RCL1: variants seen among roughly 807,000 people sequenced by gnomAD.
RCL1 encodes the protein RNA terminal phosphate cyclase like 1.
Under a neutral mutation model 42.4 loss-of-function variants are expected in RCL1, and 24 were observed. The ratio of observed to expected loss-of-function variants is 0.57; its 90% CI spans 0.41 to 0.80. The LOEUF is 0.80. Ranked by LOEUF, RCL1 falls within the 30% of genes least tolerant of loss-of-function variation. The pLI is 0.00. For synonymous variants in RCL1, 228 were observed against 177.3 expected (o/e 1.29, Z -2.27); for missense variants, 578 against 467.9 (o/e 1.24, Z -2.17).
chr9:4,850,481 GC>G, intron 8 of RCL1: 2 of 146,954 alleles, frequency 1.4e-5, no homozygotes, highest in African/African-American at 3.4e-5. Flanking sequence ...TCTTATGGAG[GC>G]TTTTTTTTTT....
In RCL1 at chr9:4,844,633, G is replaced by C. The variant is rs1326522451; in HGVS notation, c.819G>C (p.Glu273Asp). Reference sequence around the variant, plus strand: ...GCCAGGGAGCAGCAGTACTTCCAGAGGACCTTGGCAGGAACTGTGCCCGGC... The same window carrying C: ...GCCAGGGAGCAGCAGTACTTCCAGACGACCTTGGCAGGAACTGTGCCCGGC... The part of the protein sequence containing the change: ...PQGQGAAVLP[E>D]DLGRNCARLL... The change falls in exon 7 of 9, where the codon GAG (glutamate) becomes GAC (aspartate). Residue 273 changes from glutamate to aspartate, a missense_variant. By Grantham distance (45) the Glu-to-Asp change is conservative. Coordinates refer to ENST00000381750, the MANE Select transcript of RCL1 (RefSeq NM_005772.5). 1 of 1,613,980 alleles carries C rather than the reference G, an allele frequency of 6.2e-7. No individual in the cohort carries two copies. The highest frequency in any genetic ancestry group is 8.5e-7 in the Non-Finnish European group (1 of 1,179,982).
Position 4,793,045 on chromosome 9 carries a change from GA to G in RCL1, c.-45del, listed in dbSNP as rs1842854214. 1 of 1,575,558 alleles carries G rather than the reference GA, an allele frequency of 6.3e-7. No homozygotes were observed. The highest frequency in any genetic ancestry group is 1.8e-5 in the Admixed American group (1 of 56,692). On this transcript the variant is annotated 5_prime_UTR_variant, in exon 1 of 9. Coordinates refer to ENST00000381750, the MANE Select transcript of RCL1 (RefSeq NM_005772.5). ...GGAGTCACGAGTCCCGCGTCTGTCC[GA>G]AGTCGCCGCTCTCGGGCTGCTCACG...
intron 7 of RCL1, among the ~76,000 whole-genome samples, chr9:4,845,911 T>C (rs755831596): frequency 2.6e-5 from 4 of 152,250 alleles, no homozygotes; most frequent in Non-Finnish European, 4.4e-5. Context: ...CTTTCTGGTC[T>C]CCAAGTAAGT....
At chr9:4,808,205 T>A (rs1338435215) in intron 1 of RCL1, among the ~76,000 whole-genome samples, 1 of 152,234 alleles carries the variant, frequency 6.6e-6, no homozygotes, top group African/African-American at 2.4e-5. Context: ...TCTTTGCATA[T>A]TTTACAGCTT....
At chr9:4,805,952 A>G (rs554996595) in intron 1 of RCL1, among the ~76,000 whole-genome samples, 1 of 151,698 alleles carries the variant, frequency 6.6e-6, no homozygotes, top group South Asian at 2.1e-4. Flanking sequence ...AGCAATTGTA[A>G]ATGGTGTATC....
chr9:4,817,177 C>T (rs1445889413), intron 1 of RCL1, among the ~76,000 whole-genome samples: 1 of 152,064 alleles, frequency 6.6e-6, no homozygotes, highest in African/African-American at 2.4e-5. Flanking sequence ...TCATCAGCGA[C>T]CTTTTCTGTT....
At chr9:4,808,574 G>A (rs946876169) in intron 1 of RCL1, among the ~76,000 whole-genome samples, 2 of 152,220 alleles carry the variant, frequency 1.3e-5, no homozygotes, top group Non-Finnish European at 2.9e-5. Flanking sequence ...CTCCCAGTGT[G>A]CTGGGATTAT....
chr9:4,793,935 C>T (rs1842873856), intron 1 of RCL1, among the ~76,000 whole-genome samples: 1 of 152,168 alleles, frequency 6.6e-6, no homozygotes, highest in African/African-American at 2.4e-5. Flanking sequence ...TCTTGCTCTG[C>T]AATGGTAGGT....
chr9:4,831,284 G>T (rs190968117), intron 3 of RCL1, among the ~76,000 whole-genome samples: 1 of 149,710 alleles, frequency 6.7e-6, no homozygotes, highest in Non-Finnish European at 1.5e-5. Flanking sequence ...GGAAGGATGA[G>T]CCAGAAGGAA....
intron 1 of RCL1, among the ~76,000 whole-genome samples, chr9:4,807,345 G>A (rs1454001288): frequency 5.9e-5 from 9 of 152,240 alleles, no homozygotes; most frequent in Non-Finnish European, 8.8e-5. Flanking sequence ...GTGGAGCATA[G>A]ATTATTGGGA....
At chr9:4,854,415 C>T (rs951420909) in intron 8 of RCL1, among the ~76,000 whole-genome samples, 1 of 152,182 alleles carries the variant, frequency 6.6e-6, no homozygotes, top group Non-Finnish European at 1.5e-5. Context: ...CAGATCTTTT[C>T]CCTCAACTTC....
chr9:4,841,104 G>T (rs1490156911), intron 5 of RCL1, 128 bp from the exon 6 acceptor site: 4 of 1,001,606 alleles, frequency 4.0e-6, no homozygotes, highest in Middle Eastern at 2.2e-4. Context: ...AGTAAATTCA[G>T]TTGGAAAACA....
At chr9:4,850,498 T>TTC (rs1435647854) in intron 8 of RCL1, 11 of 227,742 alleles carry the variant, frequency 4.8e-5, no homozygotes, top group Non-Finnish European at 7.8e-5. Flanking sequence ...TTTTTCTTTT[T>TTC]TTTTTTTTTT....
intron 1 of RCL1, among the ~76,000 whole-genome samples, chr9:4,802,148 C>T (rs1171461110): frequency 7.2e-6 from 1 of 138,224 alleles, no homozygotes; most frequent in African/African-American, 2.7e-5. Flanking sequence ...TGGTCTCGAA[C>T]TTCTGAGCCC....
At chr9:4,830,408 A>G (rs980359323) in intron 3 of RCL1, among the ~76,000 whole-genome samples, 6 of 152,186 alleles carry the variant, frequency 3.9e-5, no homozygotes, top group Non-Finnish European at 1.5e-5. Context: ...CAGAGGGGAT[A>G]AGGATTGAAA....
intron 2 of RCL1, among the ~76,000 whole-genome samples, chr9:4,824,374 ATTT>A (rs71326141): frequency 0.05 from 6,042 of 120,218 alleles, 167 homozygotes; most frequent in African/African-American, 0.11. Context: ...TTCAGCCAGC[ATTT>A]TTTTTTTTTT....
At chr9:4,845,781 A>C (rs1817490761) in intron 7 of RCL1, among the ~76,000 whole-genome samples, 2 of 152,188 alleles carry the variant, frequency 1.3e-5, no homozygotes, top group African/African-American at 4.8e-5. Flanking sequence ...ACTATACTCT[A>C]GTTGATTTGC....
At chr9:4,811,447 T>A (rs1008127743) in intron 1 of RCL1, among the ~76,000 whole-genome samples, 1 of 152,162 alleles carries the variant, frequency 6.6e-6, no homozygotes, top group Non-Finnish European at 1.5e-5. Flanking sequence ...TCCCCGCCTC[T>A]AGTAACCACT....
chr9:4,835,453 G>A (rs1285851794), intron 5 of RCL1, among the ~76,000 whole-genome samples: 1 of 152,162 alleles, frequency 6.6e-6, no homozygotes, highest in Non-Finnish European at 1.5e-5. Context: ...CTATCCCAAG[G>A]GACTAATTCT....
Sources: gnomAD v4.1 joint callset for allele counts (sites outside exome capture counted in the v4.1 genomes callset) on GRCh38, gnomAD v4.1.1 for gene constraint, MANE v1.5 for transcripts, NCBI Gene and HGNC (gene_info 2026-07-23, HGNC 2026-07-21) for gene names.